KLHL18: variants seen among roughly 807,000 people sequenced by gnomAD.
KLHL18 encodes the protein kelch-like protein 18.
In KLHL18, 38 loss-of-function variants were observed where a neutral mutation model predicts 58.5. That is an observed-to-expected ratio of 0.65 (90% CI 0.50 to 0.85). The LOEUF (loss-of-function observed/expected upper bound fraction) is 0.85, where lower values mean the gene tolerates loss of function less well. Ranked by LOEUF, KLHL18 falls within the 40% of genes least tolerant of loss-of-function variation. KLHL18 has a pLI of 0.00. For synonymous variants in KLHL18, 303 were observed against 301.9 expected (o/e 1.00, Z -0.04); for missense variants, 624 against 778.4 (o/e 0.80, Z 2.36).
intron 6 of KLHL18, 134 bp from the exon 7 acceptor site, chr3:47,336,401 C>G: frequency 1.3e-6 from 1 of 747,886 alleles, no homozygotes; most frequent in Non-Finnish European, 2.2e-6. Context: ...CTTAGTGGGC[C>G]CTTGTGCCTT....
chr3:47,312,119 A>G (rs542017900), intron 1 of KLHL18, among the ~76,000 whole-genome samples: 2 of 152,320 alleles, frequency 1.3e-5, no homozygotes, highest in African/African-American at 4.8e-5. Context: ...CGTAGATGCT[A>G]TTCATTGCAA....
chr3:47,309,423 G>A (rs931582482), intron 1 of KLHL18, among the ~76,000 whole-genome samples: 13 of 150,988 alleles, frequency 8.6e-5, no homozygotes, highest in Non-Finnish European at 1.3e-4. Flanking sequence ...ATGGGGTCGC[G>A]GCCGGGCAGA....
chr3:47,326,812 T>TCGGGAGGGTGAGG (rs1347297709), intron 3 of KLHL18, among the ~76,000 whole-genome samples: 31 of 151,258 alleles, frequency 2.0e-4, no homozygotes, highest in Non-Finnish European at 3.7e-4. Flanking sequence ...TCCCAGCTAC[T>TCGGGAGGGTGAGG]CGGGAGGGTG....
intron 6 of KLHL18, among the ~76,000 whole-genome samples, chr3:47,335,797 C>T (rs1703971218): frequency 2.0e-5 from 3 of 152,088 alleles, no homozygotes; most frequent in South Asian, 2.1e-4. Flanking sequence ...TGTGAGCCAC[C>T]GCACCTGGCC....
rs10687949 is a variant in KLHL18, at chr3:47,300,637, C to CTTTTTTTTTT, written c.129+17553_129+17562dup. ...TGAGTAGTGGTATCTCATTGTGATTCTTTTTTTTTTTTTTTTTTTGAGACA... is the reference window on the plus strand; with the variant it reads ...TGAGTAGTGGTATCTCATTGTGATTCTTTTTTTTTTTTTTTTTTTTTTTTTTTTTGAGACA... On this transcript the variant is annotated intron_variant, in intron 1 of 9. Transcript: ENST00000232766. Among the ~76,000 whole-genome samples, 40 of 76,936 alleles carry CTTTTTTTTTT rather than the reference C, an allele frequency of 5.2e-4. 2 individuals are homozygous for CTTTTTTTTTT. Among genetic ancestry groups the CTTTTTTTTTT allele is most frequent in the Non-Finnish European group, 7.3e-4 (32 of 43,740 alleles). 50.5% of individuals were successfully genotyped at this position (76,936 alleles called of 152,430 possible). A position where few individuals can be genotyped will look rare whatever the true frequency, so the allele number is the denominator to read the frequency against.
rs114739403 is a variant in KLHL18 at position 47,306,160 on chromosome 3, A to C, written c.130-13493A>C. On this transcript the variant is annotated intron_variant, in intron 1 of 9. Coordinates refer to ENST00000232766, the MANE Select transcript of KLHL18 (RefSeq NM_025010.5). The stretch of plus-strand genomic sequence containing the variant: ...TGGGTTATTCACTTGAGACTTTTCT[A>C]ATGTAAGCATTTAGTGTCATAATCT... Among the ~76,000 whole-genome samples the C allele has an allele frequency of 2.0e-3, 302 of 151,934 alleles. 2 individuals carry two copies. Among genetic ancestry groups the C allele is most frequent in the African/African-American group, 6.8e-3 (282 of 41,446 alleles).
At chr3:47,315,587 A>G (rs1454634708) in intron 1 of KLHL18, among the ~76,000 whole-genome samples, 1 of 152,178 alleles carries the variant, frequency 6.6e-6, no homozygotes, top group Non-Finnish European at 1.5e-5. Flanking sequence ...TCCAGAGAAA[A>G]AGTCCTGAAG....
chr3:47,305,338 T>TG (rs1230557664), intron 1 of KLHL18, among the ~76,000 whole-genome samples: 2 of 148,152 alleles, frequency 1.3e-5, no homozygotes, highest in East Asian at 2.0e-4. Context: ...TGTCAAGTTT[T>TG]TTTTTTTTTT....
intron 6 of KLHL18, among the ~76,000 whole-genome samples, chr3:47,336,241 A>G (rs1349227362): frequency 6.6e-6 from 1 of 152,186 alleles, no homozygotes; most frequent in African/African-American, 2.4e-5. Context: ...CCTGGAGGAA[A>G]TATTGTATCG....
rs761269274 is a variant in KLHL18 at position 47,343,742 on chromosome 3, C to A, written c.1526C>A (p.Pro509His). The change falls in exon 10 of 10, where the codon CCC (proline) becomes CAC (histidine). Residue 509 changes from proline (P) to histidine (H), a missense_variant. Physicochemically the swap from Pro to His is moderately conservative, Grantham distance 77. Coordinates refer to ENST00000232766, the MANE Select transcript of KLHL18 (RefSeq NM_025010.5). Reference sequence around the variant, plus strand: ...GCAGACCAGTGGTGCCTGATTGTCCCCATGCACACGCGCAGGAGCCGGGTC... The same window carrying A: ...GCAGACCAGTGGTGCCTGATTGTCCACATGCACACGCGCAGGAGCCGGGTC... ...SVADQWCLIV[P>H]MHTRRSRVSL... is the part of the protein sequence containing the mutation. 2 of 1,614,210 alleles carry A rather than the reference C, an allele frequency of 1.2e-6. No homozygotes were observed. Among genetic ancestry groups the A allele is most frequent in the Admixed American group, 3.3e-5 (2 of 60,028 alleles).
At chr3:47,283,182 G>C (rs1702515539) in intron 1 of KLHL18, 88 bp downstream of exon 1, 1 of 1,202,592 alleles carries the variant, frequency 8.3e-7, no homozygotes, top group African/African-American at 1.5e-5. Context: ...GAGAGGTCTA[G>C]CAGGGAGAGG....
chr3:47,313,387 C>CATTTT (rs1007095084), intron 1 of KLHL18, among the ~76,000 whole-genome samples: 1 of 151,858 alleles, frequency 6.6e-6, no homozygotes, highest in South Asian at 2.1e-4. Context: ...CCAGCTAATT[C>CATTTT]ATTTTATTTT....
intron 1 of KLHL18, among the ~76,000 whole-genome samples, chr3:47,313,818 C>T (rs977808985): frequency 1.3e-5 from 2 of 152,110 alleles, no homozygotes; most frequent in Non-Finnish European, 2.9e-5. Flanking sequence ...AAGCATAATT[C>T]CTTCTCTTCA....
At chr3:47,309,619 A>G (rs978361449) in intron 1 of KLHL18, among the ~76,000 whole-genome samples, 8 of 152,118 alleles carry the variant, frequency 5.3e-5, no homozygotes, top group Non-Finnish European at 1.2e-4. Context: ...AGAGGCTGCA[A>G]TCTCGGCACT....
intron 1 of KLHL18, among the ~76,000 whole-genome samples, chr3:47,300,841 GT>G (rs1336871494): frequency 1.3e-5 from 2 of 151,890 alleles, no homozygotes; most frequent in Non-Finnish European, 2.9e-5. Flanking sequence ...GTTTCGCCAT[GT>G]TGGTCAGGCT....
chr3:47,318,272 G>C (rs1031066450), intron 1 of KLHL18, among the ~76,000 whole-genome samples: 1 of 152,228 alleles, frequency 6.6e-6, no homozygotes, highest in Non-Finnish European at 1.5e-5. Flanking sequence ...TCATCTGAAG[G>C]CTTGGCTGGA....
intron 3 of KLHL18, among the ~76,000 whole-genome samples, chr3:47,325,912 T>C (rs775356568): frequency 1.7e-4 from 26 of 151,224 alleles, no homozygotes; most frequent in Non-Finnish European, 3.1e-4. Flanking sequence ...GGATTACAGG[T>C]GCCTGCCACC....
rs1553632002 is a variant in KLHL18 at position 47,316,465 on chromosome 3, A to ATATATATGTATATATATACATATATACG, written c.130-3161_130-3160insGTATATATGTATATATATACATATATAC. Reference sequence around the variant, plus strand: ...AAGCAGGACCTGTCTGTACAAATATATATATATGTATATATATACATATAT... The same window carrying ATATATATGTATATATATACATATATACG: ...AAGCAGGACCTGTCTGTACAAATATATATATATGTATATATATACATATATACGTATATATGTATATATATACATATAT... On this transcript the variant is annotated intron_variant, in intron 1 of 9. Transcript: ENST00000232766. Among the ~76,000 whole-genome samples the ATATATATGTATATATATACATATATACG allele has an allele frequency of 6.0e-5, 7 of 117,014 alleles. 2 individuals are homozygous for ATATATATGTATATATATACATATATACG. The highest frequency in any genetic ancestry group is 1.6e-4 in the African/African-American group (5 of 30,954). The allele number at this position is 117,014 out of a possible 152,430, so 76.8% of individuals were successfully genotyped here.
At chr3:47,332,062 A>G (rs531323450) in intron 4 of KLHL18, among the ~76,000 whole-genome samples, 42 of 152,210 alleles carry the variant, frequency 2.8e-4, no homozygotes, top group African/African-American at 9.9e-4. Flanking sequence ...TTAGAAACTT[A>G]AGGAAGGCCG....
Sources: allele counts gnomAD v4.1 joint callset (sites outside exome capture counted in the v4.1 genomes callset), GRCh38; gene constraint gnomAD v4.1.1; transcripts MANE v1.5; gene names NCBI Gene and HGNC (gene_info 2026-07-23, HGNC 2026-07-21).